The following SIPA1L3 variants were observed in gnomAD, a reference collection of about 807,000 sequenced individuals.
SIPA1L3 encodes the protein signal-induced proliferation-associated 1-like protein 3.
In SIPA1L3, 59 loss-of-function variants were observed where a neutral mutation model predicts 150.1. The ratio of observed to expected loss-of-function variants is 0.39; its 90% CI spans 0.32 to 0.49. The LOEUF is 0.49. Ranked by LOEUF, SIPA1L3 falls within the 20% of genes least tolerant of loss-of-function variation. The pLI, the probability that SIPA1L3 is intolerant of heterozygous loss-of-function variation, is 0.86. For synonymous variants in SIPA1L3, 1,070 were observed against 1,077.6 expected (o/e 0.99, Z 0.14); for missense variants, 2,211 against 2,489.5 (o/e 0.89, Z 2.38).
chr19:37,927,000 T>C (rs540002918), intron 1 of SIPA1L3, among the ~76,000 whole-genome samples: 353 of 151,572 alleles, frequency 2.3e-3, no homozygotes, highest in Non-Finnish European at 4.0e-3. Flanking sequence ...TAAAAAAAGG[T>C]GGTGGCATGA....
chr19:38,181,118 C>T (rs1052409633), intron 15 of SIPA1L3, among the ~76,000 whole-genome samples: 16 of 152,262 alleles, frequency 1.1e-4, no homozygotes, highest in South Asian at 2.1e-4. Flanking sequence ...GGACAAAATG[C>T]GACAAATTTC....
At chr19:38,016,442 A>G (rs1968233149) in intron 1 of SIPA1L3, among the ~76,000 whole-genome samples, 1 of 152,214 alleles carries the variant, frequency 6.6e-6, no homozygotes, top group Non-Finnish European at 1.5e-5. Context: ...GACATCATCA[A>G]CTACCCATTT....
chr19:38,006,031 C>T (rs911771037), intron 1 of SIPA1L3, among the ~76,000 whole-genome samples: 9 of 152,204 alleles, frequency 5.9e-5, no homozygotes, highest in Admixed American at 2.0e-4. Flanking sequence ...GAGTGAGACG[C>T]TGTCTCAAAG....
chr19:38,112,511 C>T (rs894250363), intron 8 of SIPA1L3, among the ~76,000 whole-genome samples: 2 of 152,110 alleles, frequency 1.3e-5, no homozygotes, highest in Non-Finnish European at 2.9e-5. Context: ...AGAGTGATTT[C>T]TTCTCTCTCA....
At chr19:38,195,962 C>A (rs1972919171) in intron 18 of SIPA1L3, among the ~76,000 whole-genome samples, 1 of 152,030 alleles carries the variant, frequency 6.6e-6, no homozygotes, top group Non-Finnish European at 1.5e-5. Context: ...CTGCTGTGAC[C>A]CCAGCTCAGG....
chr19:38,012,403 G>T (rs1225502132), intron 1 of SIPA1L3, among the ~76,000 whole-genome samples: 1 of 152,082 alleles, frequency 6.6e-6, no homozygotes, highest in Non-Finnish European at 1.5e-5. Flanking sequence ...AAGGGCAAGG[G>T]CATTTCAGGT....
At chr19:38,098,032 T>C (rs948336158) in intron 4 of SIPA1L3, among the ~76,000 whole-genome samples, 1 of 152,238 alleles carries the variant, frequency 6.6e-6, no homozygotes, top group Non-Finnish European at 1.5e-5. Context: ...AATTTGCTTC[T>C]CTGTAAATCA....
chr19:38,056,514 A>G (rs1435298806), intron 2 of SIPA1L3, among the ~76,000 whole-genome samples: 1 of 152,028 alleles, frequency 6.6e-6, no homozygotes, highest in Non-Finnish European at 1.5e-5. Context: ...CCCTGCTCCC[A>G]TCCTTCGTCA....
chr19:38,067,859 C>T (rs529396269), intron 2 of SIPA1L3, among the ~76,000 whole-genome samples: 88 of 152,184 alleles, frequency 5.8e-4, no homozygotes, highest in African/African-American at 2.0e-3. Context: ...AGACTCCACT[C>T]GTTGCTCTTC....
intron 10 of SIPA1L3, among the ~76,000 whole-genome samples, chr19:38,132,064 G>GTCTCTGCA (rs899405191): frequency 1.8e-4 from 27 of 151,630 alleles, no homozygotes; most frequent in African/African-American, 6.5e-4. Context: ...GTGAGACCCC[G>GTCTCTGCA]TCTCTGCATC....
chr19:38,061,517 C>T (rs1005189479), intron 2 of SIPA1L3, among the ~76,000 whole-genome samples: 17 of 151,988 alleles, frequency 1.1e-4, no homozygotes, highest in East Asian at 7.7e-4. Flanking sequence ...GGTGAGTTGA[C>T]GTGGGGTTGT....
intron 10 of SIPA1L3, among the ~76,000 whole-genome samples, chr19:38,134,418 A>G (rs1304085665): frequency 6.7e-6 from 1 of 149,326 alleles, no homozygotes; most frequent in Non-Finnish European, 1.5e-5. Context: ...AAAAAAAAAA[A>G]AAAAAAAAAG....
intron 21 of SIPA1L3, among the ~76,000 whole-genome samples, chr19:38,204,862 G>A (rs192291701): frequency 1.3e-5 from 2 of 152,322 alleles, no homozygotes; most frequent in East Asian, 1.9e-4. Flanking sequence ...AAGGACGTTC[G>A]TTGCCACACT....
chr19:37,969,110 T>TA (rs2046930499), intron 1 of SIPA1L3, among the ~76,000 whole-genome samples: 1 of 152,228 alleles, frequency 6.6e-6, no homozygotes. Flanking sequence ...GGCATATGCC[T>TA]GTAGTTTCAG....
In SIPA1L3 at chr19:38,036,071, C is replaced by T. The variant is rs985089153; in HGVS notation, c.-311+6915C>T. Reference sequence around the variant, plus strand: ...GTGTTGGAGACCCATGGCTCCTGGCCTCCTGGTCCCCTTTCTTGTTCATTC... The same window carrying T: ...GTGTTGGAGACCCATGGCTCCTGGCTTCCTGGTCCCCTTTCTTGTTCATTC... On this transcript the variant is annotated intron_variant, in intron 2 of 21. Transcript: ENST00000222345. Among the ~76,000 whole-genome samples, 13 of 152,308 alleles carry T rather than the reference C, an allele frequency of 8.5e-5. No individual in the cohort carries two copies. The Middle Eastern group carries it at 0.014, about 159-fold the overall frequency.
chr19:38,079,813 C>T (rs2145818266), intron 2 of SIPA1L3, among the ~76,000 whole-genome samples: 1 of 152,300 alleles, frequency 6.6e-6, no homozygotes, highest in Non-Finnish European at 1.5e-5. Flanking sequence ...GCCTTGGCCT[C>T]CCAAAGTGCT....
At chr19:37,994,549 G>A (rs1967587320) in intron 1 of SIPA1L3, among the ~76,000 whole-genome samples, 1 of 152,172 alleles carries the variant, frequency 6.6e-6, no homozygotes, top group Admixed American at 6.5e-5. Flanking sequence ...ACTCTAGAGT[G>A]GAGCAGCCGC....
chr19:38,101,239 C>A lies in SIPA1L3; in HGVS notation c.2029+13C>A. 2 of 1,506,872 alleles carry A rather than the reference C, an allele frequency of 1.3e-6. No homozygotes were observed. Among genetic ancestry groups the A allele is most frequent in the Admixed American group, 2.2e-5 (1 of 45,588 alleles). 93.3% of individuals were successfully genotyped at this position (1,506,872 alleles called of 1,614,324 possible). ...CTGGACGTCAAGAGTAAGTAGGGGG[C>A]CGGTTAGATCACAGTGAGCCACCAC... On this transcript the variant is annotated intron_variant, in intron 6 of 21. Coordinates refer to ENST00000222345, the MANE Select transcript of SIPA1L3 (RefSeq NM_015073.3).
chr19:38,024,825 G>T (rs1968464208), intron 1 of SIPA1L3, among the ~76,000 whole-genome samples: 1 of 152,102 alleles, frequency 6.6e-6, no homozygotes, highest in Admixed American at 6.5e-5. Context: ...CCCTTCCTGT[G>T]CTGTTAGTTT....
Sources: gnomAD v4.1 joint callset for allele counts (sites outside exome capture counted in the v4.1 genomes callset) on GRCh38, gnomAD v4.1.1 for gene constraint, MANE v1.5 for transcripts, NCBI Gene and HGNC (gene_info 2026-07-23, HGNC 2026-07-21) for gene names.